The following TDP1 variants were observed in gnomAD, a reference collection of about 807,000 sequenced individuals.
The protein encoded by TDP1 is tyrosyl-DNA phosphodiesterase 1.
TDP1 carries 64 observed loss-of-function variants against 81.5 expected under a neutral mutation model. That is an observed-to-expected ratio of 0.79 (90% CI 0.64 to 0.97). The LOEUF (loss-of-function observed/expected upper bound fraction) is 0.97. Among genes scored for constraint, TDP1 ranks in the 50% least tolerant of loss-of-function variants. The probability of loss-of-function intolerance (pLI) is 0.00; values close to 1 mark genes in which losing one functional copy is unlikely to be tolerated. For synonymous variants in TDP1, 256 were observed against 264.3 expected (o/e 0.97, Z 0.30); for missense variants, 723 against 743.8 (o/e 0.97, Z 0.33).
chr14:90,019,265 A>C, intron 14 of TDP1, 51 bp from the exon 15 acceptor site: 1 of 1,375,190 alleles, frequency 7.3e-7, no homozygotes, highest in Non-Finnish European at 1.0e-6. Flanking sequence ...AGTTTGACCC[A>C]CACTGAGATG....
At chr14:89,956,300 G>A (rs1891614159) in intron 1 of TDP1, 1 of 152,336 alleles carries the variant, frequency 6.6e-6, no homozygotes, top group Admixed American at 6.5e-5. Flanking sequence ...CAGAAAGTGA[G>A]TAGGAAAGCG....
In TDP1 at chr14:90,021,845, A is replaced by G. The variant is rs77537301; in HGVS notation, c.1644+2427A>G. 4.8e-3 allele frequency among the ~76,000 whole-genome samples: 735 copies of G among 152,348 alleles called. 4 individuals are homozygous for G. Among genetic ancestry groups the G allele is most frequent in the Middle Eastern group, 0.017 (5 of 294 alleles). On this transcript the variant is annotated intron_variant, in intron 15 of 16. Coordinates refer to ENST00000335725, the MANE Select transcript of TDP1 (RefSeq NM_018319.4). ...AGGGTGACGATGTAATTAACAGTCT[A>G]AGATTGTAACAGATTTTCCAAGAGT...
intron 2 of TDP1, among the ~76,000 whole-genome samples, chr14:89,961,321 A>C (rs1277337440): frequency 6.6e-6 from 1 of 152,210 alleles, no homozygotes; most frequent in Non-Finnish European, 1.5e-5. Context: ...TTGTCCAATG[A>C]CAGCTGCAGT....
intron 7 of TDP1, among the ~76,000 whole-genome samples, chr14:89,976,504 T>C (rs1209462771): frequency 1.3e-5 from 2 of 150,836 alleles, no homozygotes; most frequent in Non-Finnish European, 3.0e-5. Context: ...ACACATACTT[T>C]GCAGGTTAAA....
At chr14:90,011,753 A>G (rs1377037738) in intron 14 of TDP1, among the ~76,000 whole-genome samples, 1 of 152,250 alleles carries the variant, frequency 6.6e-6, no homozygotes, top group Non-Finnish European at 1.5e-5. Context: ...TCTTAAAGGC[A>G]TACAGTTTTA....
At position 90,043,225 on chromosome 14, in the gene TDP1, T is replaced by C; in HGVS notation, c.*82T>C. ...CTCTTCTTTGTACTGGATGTCCACTTCCCTTAAAGTCTTATTTGCACCCTT... is the reference window on the plus strand; with the variant it reads ...CTCTTCTTTGTACTGGATGTCCACTCCCCTTAAAGTCTTATTTGCACCCTT... On this transcript the variant is annotated 3_prime_UTR_variant, in exon 17 of 17. Coordinates refer to ENST00000335725, the MANE Select transcript of TDP1 (RefSeq NM_018319.4). 2.6e-6 allele frequency: 4 copies of C among 1,554,114 alleles called. No homozygotes were observed. The Middle Eastern group carries it at 5.0e-4, about 196-fold the overall frequency.
chr14:89,990,113 C>T (rs1168418830), intron 12 of TDP1, among the ~76,000 whole-genome samples: 1 of 152,110 alleles, frequency 6.6e-6, no homozygotes, highest in African/African-American at 2.4e-5. Context: ...CTCTGCATAT[C>T]CTCCCTTCCT....
chr14:89,960,488 T>A (rs1451347927), intron 2 of TDP1, among the ~76,000 whole-genome samples: 2 of 152,186 alleles, frequency 1.3e-5, no homozygotes, highest in Admixed American at 6.5e-5. Context: ...AATATACCTA[T>A]GCTATGAGTT....
At chr14:90,019,457 G>C (rs766273468) in intron 15 of TDP1, 39 bp downstream of exon 15, 1 of 1,090,832 alleles carries the variant, frequency 9.2e-7, no homozygotes. Context: ...GGTCACATGG[G>C]AGATGAATTG....
intron 14 of TDP1, among the ~76,000 whole-genome samples, chr14:89,999,069 G>A (rs1450284457): frequency 2.0e-5 from 3 of 152,122 alleles, no homozygotes; most frequent in Non-Finnish European, 4.4e-5. Flanking sequence ...TACTCAAATA[G>A]TGTGTCTCTC....
intron 3 of TDP1, chr14:89,965,874 G>A: frequency 3.0e-6 from 3 of 984,520 alleles, no homozygotes; most frequent in Non-Finnish European, 3.6e-6. Context: ...TGTCCATATT[G>A]AGTTTCTAAA....
At chr14:89,980,702 T>G in intron 8 of TDP1, 70 bp downstream of exon 8, 1 of 1,257,376 alleles carries the variant, frequency 8.0e-7, no homozygotes, top group African/African-American at 1.5e-5. Context: ...AACATTCACT[T>G]TATTCTTTTT....
chr14:89,969,458 TA>T (rs1207835397), intron 5 of TDP1, among the ~76,000 whole-genome samples: 2 of 152,240 alleles, frequency 1.3e-5, no homozygotes, highest in Non-Finnish European at 2.9e-5. Context: ...CTTTTTGTAA[TA>T]AGTCGTAGAA....
At position 90,044,475 on chromosome 14, in the gene TDP1, G is replaced by A. The variant is rs565062639; in HGVS notation, c.*1332G>A. ...ATCAACCTCTTTATCTTATAATTTA[G>A]GATAGAGTTGAACGTTAGTCTTGAA... On this transcript the variant is annotated 3_prime_UTR_variant, in exon 17 of 17. Coordinates refer to ENST00000335725, the MANE Select transcript of TDP1 (RefSeq NM_018319.4). 1.5e-4 allele frequency: 23 copies of A among 152,262 alleles called. No homozygotes were observed. Among genetic ancestry groups the A allele is most frequent in the African/African-American group, 5.5e-4 (23 of 41,550 alleles). The allele number at this position is 152,262 out of a possible 1,614,324, so 9.4% of individuals were successfully genotyped here.
At chr14:89,969,136 G>A (rs1893287348) in intron 5 of TDP1, among the ~76,000 whole-genome samples, 1 of 152,148 alleles carries the variant, frequency 6.6e-6, no homozygotes, top group Non-Finnish European at 1.5e-5. Context: ...CCTTGATCTT[G>A]GACTTCTCGC....
At chr14:90,025,410 T>A (rs1886537956) in intron 15 of TDP1, among the ~76,000 whole-genome samples, 1 of 152,174 alleles carries the variant, frequency 6.6e-6, no homozygotes, top group South Asian at 2.1e-4. Flanking sequence ...TTTTTTTAAG[T>A]GAATAAATCT....
chr14:89,983,994 G>A (rs535324323), intron 8 of TDP1: 21 of 381,124 alleles, frequency 5.5e-5, no homozygotes, highest in Non-Finnish European at 7.2e-5. Context: ...TTATGAAAAT[G>A]GGTTTGTTAA....
intron 6 of TDP1, among the ~76,000 whole-genome samples, chr14:89,972,164 G>A (rs764888388): frequency 6.6e-6 from 1 of 152,172 alleles, no homozygotes; most frequent in African/African-American, 2.4e-5. Flanking sequence ...AAGAAGAGGG[G>A]CTTAATTGGC....
At chr14:89,988,556 CT>C (rs1225764101) in intron 10 of TDP1, 2 of 973,844 alleles carry the variant, frequency 2.1e-6, no homozygotes, top group Non-Finnish European at 2.4e-6. Flanking sequence ...GCATTAAACA[CT>C]TGTGATTTCA....
Sources: gnomAD v4.1 joint callset for allele counts (sites outside exome capture counted in the v4.1 genomes callset) on GRCh38, gnomAD v4.1.1 for gene constraint, MANE v1.5 for transcripts, NCBI Gene and HGNC (gene_info 2026-07-23, HGNC 2026-07-21) for gene names.